Variants in GRK5 observed in about 807,000 individuals in gnomAD.
The protein encoded by GRK5 is g protein-coupled receptor kinase GRK5.
In GRK5, 40 loss-of-function variants were observed where a neutral mutation model predicts 78.4. The observed-to-expected ratio is 0.51, with a 90% confidence interval of 0.40 to 0.66. GRK5 has a LOEUF of 0.66. Among genes scored for constraint, GRK5 ranks in the 30% least tolerant of loss-of-function variants. The probability of loss-of-function intolerance (pLI) is 0.00; values close to 1 mark genes in which losing one functional copy is unlikely to be tolerated. For missense variants in GRK5, 598 were observed against 759.9 expected (o/e 0.79, Z 2.50); for synonymous variants, 289 against 296.8 (o/e 0.97, Z 0.27).
At chr10:119,369,909 C>T (rs1459643996) in intron 2 of GRK5, among the ~76,000 whole-genome samples, 1 of 152,162 alleles carries the variant, frequency 6.6e-6, no homozygotes, top group Non-Finnish European at 1.5e-5. Flanking sequence ...CCACCCCTGA[C>T]CCTCCGTTTA....
At chr10:119,280,622 C>A (rs1383174646) in intron 1 of GRK5, among the ~76,000 whole-genome samples, 2 of 152,142 alleles carry the variant, frequency 1.3e-5, no homozygotes. Flanking sequence ...CTTGTTTTCA[C>A]TTCTCTTGGG....
intron 2 of GRK5, among the ~76,000 whole-genome samples, chr10:119,335,167 T>TCTCTCTCTCTCTCTCTCC (rs1564895378): frequency 1.4e-5 from 2 of 140,742 alleles, no homozygotes; most frequent in Non-Finnish European, 3.0e-5. Flanking sequence ...TCTCTCTCTC[T>TCTCTCTCTCTCTCTCTCC]CTCTCTCTCC....
chr10:119,345,444 A>G (rs977905302), intron 2 of GRK5, among the ~76,000 whole-genome samples: 4 of 152,202 alleles, frequency 2.6e-5, no homozygotes, highest in Admixed American at 2.0e-4. Context: ...TAGAAACTTC[A>G]GAATTCGCCC....
intron 1 of GRK5, among the ~76,000 whole-genome samples, chr10:119,211,148 GTTTA>G (rs989329375): frequency 2.0e-4 from 30 of 152,164 alleles, no homozygotes; most frequent in African/African-American, 7.0e-4. Context: ...TTTGGGGCCT[GTTTA>G]TTTGTCCTGG....
intron 1 of GRK5, among the ~76,000 whole-genome samples, chr10:119,313,265 GGTAATAGTGGTGATGGGGATGGTGGTA>G (rs1850426700): frequency 6.7e-6 from 1 of 150,318 alleles, no homozygotes; most frequent in South Asian, 2.1e-4. Context: ...TGATGGTGGT[GGTAATAGTGGTGATGGGGATGGTGGTA>G]ATGGTGGTGG....
chr10:119,452,087 G>C lies in GRK5; in HGVS notation c.1405-584G>C, dbSNP rs1028494545. Reference sequence around the variant, plus strand: ...GGCCCCCAGTGCACAGCTGAGGGACGAGTAAGGCAAAAGATATGCCTACCA... The same window carrying C: ...GGCCCCCAGTGCACAGCTGAGGGACCAGTAAGGCAAAAGATATGCCTACCA... On this transcript the variant is annotated intron_variant, in intron 13 of 15. Coordinates refer to ENST00000392870, the MANE Select transcript of GRK5 (RefSeq NM_005308.3). The surrounding 1 kb of genome is among the most constrained non-coding windows in gnomAD (Gnocchi z 4.4). Among the ~76,000 whole-genome samples the C allele has an allele frequency of 1.3e-5, 2 of 152,188 alleles. No homozygotes were observed. Among genetic ancestry groups the C allele is most frequent in the Non-Finnish European group, 2.9e-5 (2 of 68,020 alleles).
intron 1 of GRK5, among the ~76,000 whole-genome samples, chr10:119,259,443 C>G (rs1265470313): frequency 6.6e-6 from 1 of 152,226 alleles, no homozygotes; most frequent in Non-Finnish European, 1.5e-5. Flanking sequence ...TTGTGTTTCT[C>G]TTCATATGTT....
chr10:119,347,331 G>A (rs1046766648), intron 2 of GRK5, among the ~76,000 whole-genome samples: 20 of 152,050 alleles, frequency 1.3e-4, no homozygotes, highest in African/African-American at 4.1e-4. Context: ...CCGTATATTT[G>A]TGAGTGTGCA....
rs999148184 is a variant in GRK5 at position 119,378,724 on chromosome 10, G to A, written c.149-2091G>A. Reference sequence around the variant, plus strand: ...GGGGAAGGCGGTCTCAGCAGCCCTCGGCTGACCAGTCATCCCCAAGAACCC... The same window carrying A: ...GGGGAAGGCGGTCTCAGCAGCCCTCAGCTGACCAGTCATCCCCAAGAACCC... On this transcript the variant is annotated intron_variant, in intron 2 of 15. Coordinates refer to ENST00000392870, the MANE Select transcript of GRK5 (RefSeq NM_005308.3). The surrounding 1 kb of genome is among the most constrained non-coding windows in gnomAD (Gnocchi z 4.5). Among the ~76,000 whole-genome samples, 2 of 152,218 alleles carry A rather than the reference G, an allele frequency of 1.3e-5. No homozygotes were observed. Among genetic ancestry groups the A allele is most frequent in the Admixed American group, 6.5e-5 (1 of 15,280 alleles).
chr10:119,387,525 G>T (rs553280878), intron 3 of GRK5, among the ~76,000 whole-genome samples: 5 of 152,300 alleles, frequency 3.3e-5, no homozygotes, highest in African/African-American at 1.2e-4. Context: ...GCAAGAAATG[G>T]AGTCAGTGAC....
In GRK5 at chr10:119,220,049, C is replaced by T. The variant is rs1256147789; in HGVS notation, c.52+12080C>T. ...GTTAAAGAAAAATTGCCTTTCTGCT[C>T]ATGGGCAGGGAGGCTGGATCCAATT... On this transcript the variant is annotated intron_variant, in intron 1 of 15. Transcript: ENST00000392870. Among the ~76,000 whole-genome samples, 3 of 152,338 alleles carry T rather than the reference C, an allele frequency of 2.0e-5. No individual in the cohort carries two copies. In the East Asian group the frequency reaches 5.8e-4, roughly 29 times the overall value.
At chr10:119,367,654 C>T (rs532032130) in intron 2 of GRK5, among the ~76,000 whole-genome samples, 1 of 152,362 alleles carries the variant, frequency 6.6e-6, no homozygotes, top group East Asian at 1.9e-4. Context: ...AACAGAAAGA[C>T]AGGCTTGGTC....
intron 1 of GRK5, among the ~76,000 whole-genome samples, chr10:119,214,105 G>A (rs539765200): frequency 2.1e-4 from 32 of 152,306 alleles, no homozygotes; most frequent in African/African-American, 7.7e-4. Context: ...CTCCTGAGTA[G>A]CTGGGATTAC....
At chr10:119,294,896 G>C (rs1850051988) in intron 1 of GRK5, among the ~76,000 whole-genome samples, 2 of 152,148 alleles carry the variant, frequency 1.3e-5, no homozygotes, top group Admixed American at 1.3e-4. Flanking sequence ...AGTCTGGGCA[G>C]GGCATGGTGG....
intron 1 of GRK5, among the ~76,000 whole-genome samples, chr10:119,233,375 T>G (rs1848862186): frequency 6.6e-6 from 1 of 152,070 alleles, no homozygotes; most frequent in Non-Finnish European, 1.5e-5. Flanking sequence ...GGGATGGGAT[T>G]CTTGGTTCCA....
chr10:119,449,083 G>T (rs140201005), intron 13 of GRK5, among the ~76,000 whole-genome samples: 68 of 152,344 alleles, frequency 4.5e-4, no homozygotes, highest in Middle Eastern at 3.4e-3. Flanking sequence ...GAGGCCGTGG[G>T]AGCAGCAGTG....
At chr10:119,326,202 T>C (rs1850674100) in intron 1 of GRK5, among the ~76,000 whole-genome samples, 1 of 152,210 alleles carries the variant, frequency 6.6e-6, no homozygotes, top group Non-Finnish European at 1.5e-5. Flanking sequence ...TGGCCCCTGC[T>C]GTGGGAAGGC....
chr10:119,363,051 G>A (rs1331931938), intron 2 of GRK5, among the ~76,000 whole-genome samples: 4 of 152,064 alleles, frequency 2.6e-5, no homozygotes, highest in Admixed American at 6.6e-5. Context: ...AGGCTGAGGC[G>A]GGTGGATCAC....
intron 1 of GRK5, among the ~76,000 whole-genome samples, chr10:119,313,538 C>T (rs1367183305): frequency 6.6e-6 from 1 of 152,148 alleles, no homozygotes; most frequent in Non-Finnish European, 1.5e-5. Flanking sequence ...TGTAGCAAGG[C>T]TTAGATAGCA....
Sources: allele counts gnomAD v4.1 joint callset (sites outside exome capture counted in the v4.1 genomes callset), GRCh38; gene constraint gnomAD v4.1.1; non-coding constraint Gnocchi (gnomAD v3.1); transcripts MANE v1.5; gene names NCBI Gene and HGNC (gene_info 2026-07-23, HGNC 2026-07-21).